Variants in DNAH5 observed in about 807,000 individuals in gnomAD.
The protein encoded by DNAH5 is dynein axonemal heavy chain 5.
In DNAH5, 372 loss-of-function variants were observed where a neutral mutation model predicts 518.2. The ratio of observed to expected loss-of-function variants is 0.72; its 90% CI spans 0.66 to 0.78. The LOEUF is 0.78. DNAH5 is among the 30% of genes least tolerant of loss of function. The pLI is 0.00. For missense variants in DNAH5, 5,523 were observed against 5,687.0 expected (o/e 0.97, Z 0.93); for synonymous variants, 2,039 against 2,025.9 (o/e 1.01, Z -0.17).
chr5:13,895,937 C>A (rs944002936), intron 15 of DNAH5, among the ~76,000 whole-genome samples: 2 of 152,032 alleles, frequency 1.3e-5, no homozygotes, highest in Non-Finnish European at 2.9e-5. Flanking sequence ...TTCACTCACA[C>A]ACATACAGGT....
intron 1 of DNAH5, among the ~76,000 whole-genome samples, chr5:13,953,325 G>A (rs950158069): frequency 1.3e-5 from 2 of 152,140 alleles, no homozygotes; most frequent in Non-Finnish European, 2.9e-5. Flanking sequence ...AATAGCTTTA[G>A]AATGTAATAC....
Position 13,865,728 on chromosome 5 carries a change from A to G in DNAH5, c.4295T>C (p.Ile1432Thr), listed in dbSNP as rs753029826. Reference sequence around the variant, plus strand: ...TTCAATATTCACCTCTGACCAAAGAATATCATAATAGCTATTTACAGTTTC... The same window carrying G: ...TTCAATATTCACCTCTGACCAAAGAGTATCATAATAGCTATTTACAGTTTC... ...VIETVNSYYD[I>T]LWSEVNIEKI... The change falls in exon 27 of 79, where the codon ATT (isoleucine) becomes ACT (threonine). Residue 1432 changes from isoleucine (I) to threonine (T), a missense_variant. This residue lies in a region of DNAH5 where 5,121 missense variants were observed against 5,223.3 expected (regional missense o/e 0.98). Transcript: ENST00000265104. The G allele has an allele frequency of 6.8e-6, 11 of 1,607,728 alleles. No homozygotes were observed. The highest frequency in any genetic ancestry group is 9.4e-6 in the Non-Finnish European group (11 of 1,174,376).
intron 16 of DNAH5, among the ~76,000 whole-genome samples, chr5:13,894,172 C>G (rs889443583): frequency 1.3e-5 from 2 of 152,180 alleles, no homozygotes; most frequent in African/African-American, 4.8e-5. Context: ...TTGCAACATA[C>G]CCGTACACAT....
At chr5:13,733,385 T>C (rs1053209171) in intron 68 of DNAH5, among the ~76,000 whole-genome samples, 9 of 152,188 alleles carry the variant, frequency 5.9e-5, no homozygotes, top group African/African-American at 2.2e-4. Context: ...ATACATTTCA[T>C]GCCTGAGTTG....
At chr5:13,939,761 C>T (rs534373920) in intron 1 of DNAH5, among the ~76,000 whole-genome samples, 2 of 152,230 alleles carry the variant, frequency 1.3e-5, no homozygotes, top group African/African-American at 4.8e-5. Flanking sequence ...TCATTTATCC[C>T]GGTGAAGGGC....
chr5:13,769,060 G>C lies in DNAH5; in HGVS notation c.9797C>G (p.Ala3266Gly). 1.2e-6 allele frequency: 2 copies of C among 1,614,204 alleles called. No individual in the cohort carries two copies. The highest frequency in any genetic ancestry group is 8.5e-7 in the Non-Finnish European group (1 of 1,180,032). The stretch of plus-strand genomic sequence containing the variant: ...AGAGATGCTGTCCACAATGGCCTGG[G>C]CCCTGTCCTTCACCTTCTGTACCTC... ...KAEVQKVKDR[A>G]QAIVDSISKD... is the part of the protein sequence containing the mutation. Residue 3266 changes from alanine to glycine, a missense_variant, in exon 58 of 79, where the codon GCC becomes GGC. Around this residue, in one of 3 missense-constraint regions of DNAH5, gnomAD observed 5,121 missense variants for 5,223.3 expected, o/e 0.98. Coordinates refer to ENST00000265104, the MANE Select transcript of DNAH5 (RefSeq NM_001369.3).
At chr5:13,825,506 A>C (rs1347005000) in intron 38 of DNAH5, among the ~76,000 whole-genome samples, 1 of 152,256 alleles carries the variant, frequency 6.6e-6, no homozygotes, top group Non-Finnish European at 1.5e-5. Flanking sequence ...TGGTATATAC[A>C]TATAACAATA....
At chr5:13,868,940 A>G (rs16902861) in intron 24 of DNAH5, among the ~76,000 whole-genome samples, 2,442 of 152,322 alleles carry the variant, frequency 0.016, 78 homozygotes, top group African/African-American at 0.056. Context: ...AATAACTTCC[A>G]TCAGGCATAA....
intron 15 of DNAH5, chr5:13,898,349 T>C (rs1774167528): frequency 1.0e-5 from 4 of 386,480 alleles, no homozygotes; most frequent in South Asian, 1.4e-4. Flanking sequence ...CTTATAATTA[T>C]AGTTTCTTAG....
chr5:13,755,093 G>C (rs1212218216), intron 61 of DNAH5, among the ~76,000 whole-genome samples: 3 of 152,024 alleles, frequency 2.0e-5, no homozygotes, highest in African/African-American at 7.2e-5. Context: ...AGTGAGCCAA[G>C]ATCGTGCCAC....
At chr5:13,835,524 A>G (rs549987948) in intron 35 of DNAH5, among the ~76,000 whole-genome samples, 1 of 152,248 alleles carries the variant, frequency 6.6e-6, no homozygotes, top group South Asian at 2.1e-4. Context: ...TGCGCCAAGC[A>G]TCATGGCTGC....
intron 21 of DNAH5, 58 bp downstream of exon 21, chr5:13,882,670 T>A: frequency 1.5e-6 from 2 of 1,349,142 alleles, no homozygotes; most frequent in South Asian, 2.4e-5. Context: ...AAAAAACATT[T>A]AAGCTCAATG....
At chr5:13,799,614 G>A (rs942055965) in intron 47 of DNAH5, among the ~76,000 whole-genome samples, 1 of 152,164 alleles carries the variant, frequency 6.6e-6, no homozygotes, top group African/African-American at 2.4e-5. Flanking sequence ...TTTTAGAATT[G>A]TTGCAGATTC....
chr5:13,829,952 CAT>C, intron 37 of DNAH5, 72 bp downstream of exon 37: 1 of 1,374,606 alleles, frequency 7.3e-7, no homozygotes, highest in Non-Finnish European at 1.0e-6. Flanking sequence ...AAACAGATGA[CAT>C]ATGACCAGGG....
rs1744016889 is a variant in DNAH5 at position 13,714,445 on chromosome 5, T to A, written c.13085A>T (p.Asp4362Val). Residue 4362 changes from aspartate (D) to valine (V), a missense_variant, in exon 75 of 79, where the codon GAT (aspartate) becomes GTT (valine). Asp to Val is a radical substitution (Grantham distance 152). This residue lies in a region of DNAH5 where 387 missense variants were observed against 430.0 expected (regional missense o/e 0.90). Transcript: ENST00000265104. ...GTCTGGGGGCAGCTTCTCCAGCATA[T>A]CATCAGCCAGCCGGGCCACCACCGC... The part of the protein sequence containing the change: ...REAVVARLAD[D>V]MLEKLPPDYV... 6.2e-7 allele frequency: 1 copy of A among 1,613,978 alleles called. No homozygotes were observed.
At chr5:13,861,952 C>CAAAAAAAAAAAAAAAAAA (rs59674964) in intron 29 of DNAH5, among the ~76,000 whole-genome samples, 1 of 49,514 alleles carries the variant, frequency 2.0e-5, no homozygotes, top group Non-Finnish European at 3.3e-5. Flanking sequence ...GATTCCATCT[C>CAAAAAAAAAAAAAAAAAA]AAAAAAAAAA....
At chr5:13,797,802 C>T (rs1180621246) in intron 47 of DNAH5, among the ~76,000 whole-genome samples, 1 of 152,122 alleles carries the variant, frequency 6.6e-6, no homozygotes, top group African/African-American at 2.4e-5. Flanking sequence ...TTGGAACCAA[C>T]CCAAATGTCC....
chr5:13,938,514 T>C (rs1779162543), intron 1 of DNAH5, among the ~76,000 whole-genome samples: 1 of 151,372 alleles, frequency 6.6e-6, no homozygotes, highest in South Asian at 2.1e-4. Flanking sequence ...AGTTAAAGTT[T>C]GTCATAGGTA....
At chr5:14,005,552 G>A (rs370254) in intron 1 of DNAH5, among the ~76,000 whole-genome samples, 112,887 of 152,168 alleles carry the variant, frequency 0.74, 42,216 homozygotes, top group East Asian at 0.97. Context: ...CAGACTCTGG[G>A]CGTCCTAACT....
Sources: gnomAD v4.1 joint callset for allele counts (sites outside exome capture counted in the v4.1 genomes callset) on GRCh38, gnomAD v4.1.1 for gene constraint, gnomAD v4.1.1 regional missense constraint, MANE v1.5 for transcripts, NCBI Gene and HGNC (gene_info 2026-07-23, HGNC 2026-07-21) for gene names.